Variants in TSPAN18 observed in about 807,000 individuals in gnomAD.
The protein encoded by TSPAN18 is tetraspanin 18, also known as tetraspanin-18.
TSPAN18 carries 14 observed loss-of-function variants against 27.3 expected under a neutral mutation model. That is an observed-to-expected ratio of 0.51 (90% CI 0.34 to 0.80). The LOEUF is 0.80. TSPAN18 is among the 30% of genes least tolerant of loss of function. The probability of loss-of-function intolerance (pLI) is 0.01; values close to 1 mark genes in which losing one functional copy is unlikely to be tolerated. For missense variants in TSPAN18, 268 were observed against 323.9 expected (o/e 0.83, Z 1.32); for synonymous variants, 143 against 136.5 (o/e 1.05, Z -0.33).
At chr11:44,786,622 ACT>A (rs1491475318) in intron 2 of TSPAN18, among the ~76,000 whole-genome samples, 1 of 69,842 alleles carries the variant, frequency 1.4e-5, no homozygotes, top group African/African-American at 5.2e-5. Flanking sequence ...TTATCCACTT[ACT>A]TTTTTTTTTT....
intron 2 of TSPAN18, among the ~76,000 whole-genome samples, chr11:44,838,400 G>A (rs1038381738): frequency 2.0e-5 from 3 of 152,086 alleles, no homozygotes; most frequent in Admixed American, 6.5e-5. Flanking sequence ...TCTCCCACCC[G>A]GTTCCTCCCA....
chr11:44,924,349 TTGTACAGATGGGGCAACTG>T (rs1860266383), intron 8 of TSPAN18, among the ~76,000 whole-genome samples: 1 of 152,078 alleles, frequency 6.6e-6, no homozygotes, highest in Non-Finnish European at 1.5e-5. Flanking sequence ...CATGGCCCCA[TTGTACAGATGGGGCAACTG>T]AGGCATAGGG....
intron 2 of TSPAN18, among the ~76,000 whole-genome samples, chr11:44,773,373 G>T (rs1855733496): frequency 6.6e-6 from 1 of 151,886 alleles, no homozygotes; most frequent in African/African-American, 2.4e-5. Flanking sequence ...CTGAGATTGC[G>T]CCATTGCACT....
intron 2 of TSPAN18, among the ~76,000 whole-genome samples, chr11:44,820,678 C>T (rs1474891129): frequency 6.6e-6 from 1 of 151,866 alleles, no homozygotes; most frequent in African/African-American, 2.4e-5. Flanking sequence ...CCCCCAATCT[C>T]GTGTTGAAAT....
rs1409669402 is a variant in TSPAN18 at position 44,919,293 on chromosome 11, G to A, written c.413G>A (p.Trp138Ter). Residue 138 changes from tryptophan to a stop codon, truncating the protein, a stop_gained, in exon 7 of 10, where the codon TGG (tryptophan) becomes TAG (stop). Coordinates refer to ENST00000520358, the MANE Select transcript of TSPAN18 (RefSeq NM_130783.5). LOFTEE classifies it high-confidence loss of function. Reference sequence around the variant, plus strand: ...GACACAGACGTCTTCTCTGCCACCTGGAACTCGGTCATGATCACAGTGAGT... The same window carrying A: ...GACACAGACGTCTTCTCTGCCACCTAGAACTCGGTCATGATCACAGTGAGT... ...NNDTDVFSAT[W>*]NSVMITFGCC... 6.2e-7 allele frequency: 1 copy of A among 1,613,862 alleles called. No homozygotes were observed. Among genetic ancestry groups the A allele is most frequent in the African/African-American group, 1.3e-5 (1 of 74,928 alleles).
chr11:44,826,671 C>T (rs1265054319), intron 2 of TSPAN18, among the ~76,000 whole-genome samples: 1 of 152,136 alleles, frequency 6.6e-6, no homozygotes, highest in Non-Finnish European at 1.5e-5. Context: ...GGTGGTAGAG[C>T]CAGGATTTGA....
chr11:44,753,348 T>A (rs1004518431), intron 1 of TSPAN18, among the ~76,000 whole-genome samples: 3 of 152,140 alleles, frequency 2.0e-5, no homozygotes, highest in Non-Finnish European at 4.4e-5. Flanking sequence ...GCCAGGATGG[T>A]CTTGATCTCC....
At chr11:44,926,791 G>A in intron 9 of TSPAN18, 34 bp downstream of exon 9, 1 of 1,604,120 alleles carries the variant, frequency 6.2e-7, no homozygotes, top group Non-Finnish European at 8.5e-7. Flanking sequence ...CCGCTCCCCA[G>A]GATGAAGCCT....
rs1011035322 is a variant in TSPAN18, at chr11:44,909,866, G to C, written c.225G>C (p.Gly75=). 6.2e-7 allele frequency: 1 copy of C among 1,613,814 alleles called. No homozygotes were observed. ...TGCTCGGCTTCCTGGGCTGCTGCGG[G>C]GCCGTCCGTGAGAACAAGTGTCTGC... ...LFLLGFLGCC[G]AVRENKCLLL... The change falls in exon 5 of 10, where the codon GGG becomes GGC. Residue 75 remains glycine, a synonymous_variant. Transcript: ENST00000520358.
chr11:44,922,485 G>A (rs1860180204), intron 8 of TSPAN18, among the ~76,000 whole-genome samples: 2 of 152,180 alleles, frequency 1.3e-5, no homozygotes, highest in Non-Finnish European at 2.9e-5. Context: ...AGTTCACTGT[G>A]GGGGTTGGGG....
At position 44,831,920 on chromosome 11, in the gene TSPAN18, C is replaced by A. The variant is rs75436748; in HGVS notation, c.-152-28408C>A. Among the ~76,000 whole-genome samples, 259 of 152,092 alleles carry A rather than the reference C, an allele frequency of 1.7e-3. 2 individuals carry two copies. Among genetic ancestry groups the A allele is most frequent in the African/African-American group, 6.0e-3 (249 of 41,466 alleles). Reference sequence around the variant, plus strand: ...GAAATGGAGGGAGCTGAGCTAAGATCCAGGATAAGAGGTTCTAAGCAGAGG... The same window carrying A: ...GAAATGGAGGGAGCTGAGCTAAGATACAGGATAAGAGGTTCTAAGCAGAGG... On this transcript the variant is annotated intron_variant, in intron 2 of 9. Coordinates refer to ENST00000520358, the MANE Select transcript of TSPAN18 (RefSeq NM_130783.5).
At position 44,727,236 on chromosome 11, in the gene TSPAN18, CCCCCGGCCGCCGG is replaced by C. The variant is rs1386244033; in HGVS notation, c.-289_-277del. The C allele has an allele frequency of 6.6e-6, 1 of 151,694 alleles. No homozygotes were observed. The highest frequency in any genetic ancestry group is 1.5e-5 in the Non-Finnish European group (1 of 67,784). 9.4% of individuals were successfully genotyped at this position (151,694 alleles called of 1,614,324 possible). On this transcript the variant is annotated 5_prime_UTR_variant, in exon 1 of 10. Transcript: ENST00000520358. ...GCGCCCCTCCGACCAGGAAAGTTTC[CCCCCGGCCGCCGG>C]CGGGATTTGGCGCGGGGTCCGGCAG...
intron 2 of TSPAN18, among the ~76,000 whole-genome samples, chr11:44,778,515 G>T (rs949747529): frequency 5.3e-5 from 8 of 152,124 alleles, no homozygotes; most frequent in Non-Finnish European, 1.0e-4. Context: ...TAGGTGGGTG[G>T]CTGGACCTTA....
intron 1 of TSPAN18, among the ~76,000 whole-genome samples, chr11:44,756,047 G>C (rs918409730): frequency 6.6e-6 from 1 of 152,052 alleles, no homozygotes; most frequent in Non-Finnish European, 1.5e-5. Flanking sequence ...CCAGGGAAAG[G>C]CTTATCACTG....
intron 2 of TSPAN18, among the ~76,000 whole-genome samples, chr11:44,809,276 T>C (rs1856665238): frequency 1.3e-5 from 2 of 151,958 alleles, no homozygotes; most frequent in African/African-American, 2.4e-5. Context: ...TTTCTAACAC[T>C]GGGGAGCACT....
intron 3 of TSPAN18, among the ~76,000 whole-genome samples, chr11:44,899,234 A>C (rs1261454261): frequency 2.0e-5 from 3 of 152,222 alleles, no homozygotes; most frequent in Non-Finnish European, 4.4e-5. Context: ...TGCACCAAAT[A>C]GCATGTTCGT....
intron 2 of TSPAN18, among the ~76,000 whole-genome samples, chr11:44,776,079 C>CT (rs1420603731): frequency 6.6e-6 from 1 of 152,232 alleles, no homozygotes; most frequent in Non-Finnish European, 1.5e-5. Flanking sequence ...TCTGGGCACA[C>CT]TGTTGTAAAT....
At chr11:44,888,121 C>T (rs1193593262) in intron 3 of TSPAN18, among the ~76,000 whole-genome samples, 2 of 152,172 alleles carry the variant, frequency 1.3e-5, no homozygotes, top group Non-Finnish European at 2.9e-5. Context: ...TTTTCAGGGT[C>T]TTGACTCTAA....
chr11:44,758,980 A>G (rs1855391916), intron 1 of TSPAN18, among the ~76,000 whole-genome samples: 1 of 152,196 alleles, frequency 6.6e-6, no homozygotes, highest in Non-Finnish European at 1.5e-5. Flanking sequence ...ATTCACAGGA[A>G]CCATCCAAAC....
Sources: gnomAD v4.1 joint callset for allele counts (sites outside exome capture counted in the v4.1 genomes callset) on GRCh38, gnomAD v4.1.1 for gene constraint, MANE v1.5 for transcripts, NCBI Gene and HGNC (gene_info 2026-07-23, HGNC 2026-07-21) for gene names.